ADGRL2: variants seen among roughly 807,000 people sequenced by gnomAD.
ADGRL2 encodes adhesion G protein-coupled receptor L2, also known as calcium-independent alpha-latrotoxin receptor 2.
In ADGRL2, 44 loss-of-function variants were observed where a neutral mutation model predicts 157.4. The observed-to-expected ratio is 0.28, with a 90% CI of 0.22 to 0.36. The LOEUF is 0.36. ADGRL2 is among the 10% of genes least tolerant of loss of function. The probability of loss-of-function intolerance (pLI) is 1.00; values close to 1 mark genes in which losing one functional copy is unlikely to be tolerated. For missense variants in ADGRL2, 1,510 were observed against 1,768.9 expected (o/e 0.85, Z 2.63); for synonymous variants, 585 against 624.7 (o/e 0.94, Z 0.95).
chr1:81,686,279 T>G (rs934981005), intron 3 of ADGRL2, among the ~76,000 whole-genome samples: 2 of 152,180 alleles, frequency 1.3e-5, no homozygotes, highest in African/African-American at 4.8e-5. Flanking sequence ...ACTTTTTGTG[T>G]TAGTAATTTT....
intron 2 of ADGRL2, among the ~76,000 whole-genome samples, chr1:81,843,277 C>T (rs59110630): frequency 0.027 from 4,066 of 152,112 alleles, 179 homozygotes; most frequent in African/African-American, 0.093. Flanking sequence ...GGACTACAGG[C>T]ACCCACCACC....
chr1:81,532,929 AAAC>A (rs1225029245), intron 2 of ADGRL2, among the ~76,000 whole-genome samples: 1 of 145,670 alleles, frequency 6.9e-6, no homozygotes, highest in Non-Finnish European at 1.5e-5. Context: ...GTCTCAAAAA[AAAC>A]AACAAAAAAT....
In ADGRL2 at chr1:81,701,748, A is replaced by G. The variant is rs549438155; in HGVS notation, c.-143+1940A>G. On this transcript the variant is annotated intron_variant, in intron 1 of 20. Transcript: ENST00000359929. ...CATTTCAATGCTTTTCAGTTCTACA[A>G]ATATTTATGGAGCACCCATTTCTGT... 2.0e-5 allele frequency among the ~76,000 whole-genome samples: 3 copies of G among 152,342 alleles called. No homozygotes were observed. In the South Asian group the frequency reaches 6.2e-4, roughly 32 times the overall value.
intron 2 of ADGRL2, among the ~76,000 whole-genome samples, chr1:81,784,727 C>A (rs1413241988): frequency 0.012 from 1,344 of 109,404 alleles, no homozygotes; most frequent in Non-Finnish European, 0.013. Context: ...GACCCCGTCT[C>A]AAAAAAAAAA....
intron 3 of ADGRL2, among the ~76,000 whole-genome samples, chr1:81,651,988 T>C (rs1160848373): frequency 6.6e-6 from 1 of 152,104 alleles, no homozygotes; most frequent in Non-Finnish European, 1.5e-5. Context: ...ATTACAGGCG[T>C]GAGGCACCAC....
At chr1:81,877,326 G>A (rs1243059144) in intron 2 of ADGRL2, among the ~76,000 whole-genome samples, 6 of 151,926 alleles carry the variant, frequency 3.9e-5, no homozygotes, top group Non-Finnish European at 8.8e-5. Flanking sequence ...TCATGACCTT[G>A]GGCCACTTAC....
chr1:81,813,451 T>G (rs1193584637), intron 1 of ADGRL2, among the ~76,000 whole-genome samples: 1 of 151,736 alleles, frequency 6.6e-6, no homozygotes, highest in Non-Finnish European at 1.5e-5. Flanking sequence ...ATCCTCTAAG[T>G]AAGGAAACTT....
intron 2 of ADGRL2, among the ~76,000 whole-genome samples, chr1:81,776,335 C>T (rs559634756): frequency 3.3e-4 from 50 of 152,058 alleles, no homozygotes; most frequent in Middle Eastern, 6.8e-3. Context: ...ACTACAGGCA[C>T]GCACCACCAC....
At chr1:81,814,980 T>A (rs1461179263) in intron 1 of ADGRL2, among the ~76,000 whole-genome samples, 4 of 151,696 alleles carry the variant, frequency 2.6e-5, no homozygotes, top group Admixed American at 2.6e-4. Context: ...AGGAAATCCC[T>A]AAAATTCAGA....
intron 4 of ADGRL2, among the ~76,000 whole-genome samples, chr1:81,939,001 A>G (rs892263502): frequency 9.9e-5 from 15 of 151,594 alleles, no homozygotes; most frequent in African/African-American, 3.6e-4. Context: ...AATTGTCACC[A>G]TCAGATAACA....
At position 81,981,902 on chromosome 1, in the gene ADGRL2, G is replaced by A. The variant is rs574138761; in HGVS notation, c.3208G>A (p.Ala1070Thr). 3.8e-5 allele frequency: 61 copies of A among 1,611,220 alleles called. No individual in the cohort carries two copies. The highest frequency in any genetic ancestry group is 1.6e-4 in the Middle Eastern group (1 of 6,068). The change falls in exon 19 of 24, where the codon GCA becomes ACA. Residue 1070 changes from alanine (A) to threonine (T), a missense_variant. Physicochemically the swap from Ala to Thr is moderately conservative, Grantham distance 58. Around this residue, in one of 4 missense-constraint regions of ADGRL2, gnomAD observed 497 missense variants for 627.2 expected, o/e 0.79. Transcript: ENST00000686636. Reference sequence around the variant, plus strand: ...TATTAATGAGGAGACTATTGTGATGGCATATCTCTTCACTATATTTAATGC... The same window carrying A: ...TATTAATGAGGAGACTATTGTGATGACATATCTCTTCACTATATTTAATGC... Reference protein sequence around the residue: ...LFINEETIVMAYLFTIFNAFQ... With the variant: ...LFINEETIVMTYLFTIFNAFQ...
chr1:81,322,959 G>A (rs1371713511), intron 1 of ADGRL2, among the ~76,000 whole-genome samples: 1 of 151,546 alleles, frequency 6.6e-6, no homozygotes, highest in African/African-American at 2.4e-5. Flanking sequence ...TTTGGTTCAA[G>A]CAATTTTCCT....
At chr1:81,732,377 T>C (rs533482214) in intron 1 of ADGRL2, among the ~76,000 whole-genome samples, 64 of 152,224 alleles carry the variant, frequency 4.2e-4, no homozygotes, top group Non-Finnish European at 7.6e-4. Context: ...TTAAACTCTA[T>C]TGTTCTTCCT....
intron 1 of ADGRL2, among the ~76,000 whole-genome samples, chr1:81,422,805 A>G (rs12735236): frequency 0.21 from 32,632 of 152,254 alleles, 4,570 homozygotes; most frequent in Non-Finnish European, 0.31. Context: ...AATAATACAT[A>G]CAAAGTACTT....
intron 2 of ADGRL2, among the ~76,000 whole-genome samples, chr1:81,519,943 T>A (rs1023112466): frequency 2.6e-5 from 4 of 152,216 alleles, no homozygotes; most frequent in African/African-American, 9.6e-5. Flanking sequence ...ATAATTCTTG[T>A]CAATAAGATT....
chr1:81,626,590 C>T (rs1287302252), intron 3 of ADGRL2, among the ~76,000 whole-genome samples: 1 of 152,192 alleles, frequency 6.6e-6, no homozygotes, highest in Non-Finnish European at 1.5e-5. Context: ...TGTACTTTCA[C>T]ATAAGCTATA....
chr1:81,637,185 G>T (rs76658734), intron 3 of ADGRL2, among the ~76,000 whole-genome samples: 19,133 of 152,066 alleles, frequency 0.13, 1,624 homozygotes, highest in Non-Finnish European at 0.18. Flanking sequence ...GACCCAAAAG[G>T]AATAGGATGG....
At chr1:81,859,980 T>C (rs795349) in intron 2 of ADGRL2, among the ~76,000 whole-genome samples, 112,103 of 151,758 alleles carry the variant, frequency 0.74, 42,588 homozygotes, top group African/African-American at 0.9. Flanking sequence ...AATTCCAGCA[T>C]TTTGGAGGCC....
intron 3 of ADGRL2, among the ~76,000 whole-genome samples, chr1:81,607,173 G>A (rs2081451539): frequency 6.6e-6 from 1 of 152,066 alleles, no homozygotes; most frequent in Non-Finnish European, 1.5e-5. Flanking sequence ...TATACATATG[G>A]CATAGAATTA....
Sources: allele counts gnomAD v4.1 joint callset (sites outside exome capture counted in the v4.1 genomes callset), GRCh38; gene constraint gnomAD v4.1.1; regional missense constraint gnomAD v4.1.1; transcripts MANE v1.5; gene names NCBI Gene and HGNC (gene_info 2026-07-23, HGNC 2026-07-21).